ADGRB3: variants seen among roughly 807,000 people sequenced by gnomAD.
The protein encoded by ADGRB3 is adhesion G protein-coupled receptor B3.
A neutral mutation model predicts 193.4 loss-of-function variants in ADGRB3; 37 were observed. The observed-to-expected ratio is 0.19, with a 90% CI of 0.15 to 0.25. ADGRB3 has a LOEUF of 0.25. Among genes scored for constraint, ADGRB3 ranks in the 10% least tolerant of loss-of-function variants. The pLI is 1.00. For synonymous variants in ADGRB3, 690 were observed against 644.2 expected (o/e 1.07, Z -1.08); for missense variants, 1,637 against 1,852.9 (o/e 0.88, Z 2.14).
At chr6:69,137,861 T>C (rs1232715257) in intron 17 of ADGRB3, among the ~76,000 whole-genome samples, 1 of 152,178 alleles carries the variant, frequency 6.6e-6, no homozygotes, top group African/African-American at 2.4e-5. Flanking sequence ...TAGATACCTT[T>C]CTCTGCCTCA....
intron 3 of ADGRB3, among the ~76,000 whole-genome samples, chr6:68,670,829 ATC>A (rs1435466317): frequency 6.6e-6 from 1 of 152,028 alleles, no homozygotes; most frequent in East Asian, 1.9e-4. Context: ...ATTTCATTGA[ATC>A]TGTGGATTGC....
intron 26 of ADGRB3, among the ~76,000 whole-genome samples, chr6:69,339,869 T>G (rs1178648923): frequency 6.6e-6 from 1 of 152,188 alleles, no homozygotes; most frequent in Non-Finnish European, 1.5e-5. Context: ...TTCATGAGCA[T>G]AATGCAGTGA....
chr6:69,377,927 A>G (rs921713160), intron 30 of ADGRB3, among the ~76,000 whole-genome samples: 1 of 152,098 alleles, frequency 6.6e-6, no homozygotes, highest in African/African-American at 2.4e-5. Flanking sequence ...TGGTTGGGAC[A>G]AGTAAATGAG....
intron 3 of ADGRB3, among the ~76,000 whole-genome samples, chr6:68,783,297 T>TATATATATATAACATACATATATATA (rs1766895523): frequency 1.4e-5 from 2 of 146,720 alleles, no homozygotes; most frequent in African/African-American, 4.9e-5. Flanking sequence ...CCTAAATATA[T>TATATATATATAACATACATATATATA]ATATATATAT....
In ADGRB3 at chr6:68,794,236, T is replaced by C. The variant is rs541667880; in HGVS notation, c.758-136323T>C. Among the ~76,000 whole-genome samples, 20 of 152,140 alleles carry C rather than the reference T, an allele frequency of 1.3e-4. No homozygotes were observed. In the South Asian group the frequency reaches 4.2e-3, roughly 32 times the overall value. On this transcript the variant is annotated intron_variant, in intron 3 of 31. Transcript: ENST00000370598. The stretch of plus-strand genomic sequence containing the variant: ...TGATACAAAGCTATAGCCAGAGCAA[T>C]CATGTAAATCCAAATATAATCCTTT...
At chr6:69,268,408 T>A (rs780143304) in intron 20 of ADGRB3, among the ~76,000 whole-genome samples, 20 of 152,158 alleles carry the variant, frequency 1.3e-4, no homozygotes, top group Non-Finnish European at 2.4e-4. Flanking sequence ...ATGTATTACA[T>A]TAAACAGTTT....
intron 3 of ADGRB3, among the ~76,000 whole-genome samples, chr6:68,686,755 G>T (rs1185185968): frequency 1.3e-5 from 2 of 152,062 alleles, no homozygotes; most frequent in African/African-American, 4.8e-5. Context: ...AATGTGGTTG[G>T]TTTCATTTTG....
intron 13 of ADGRB3, among the ~76,000 whole-genome samples, chr6:69,040,707 A>AAAAAAAAAAAAAAAG (rs1771038176): frequency 1.7e-5 from 1 of 60,394 alleles, no homozygotes; most frequent in Non-Finnish European, 3.7e-5. Context: ...AAAAAAAAAA[A>AAAAAAAAAAAAAAAG]AACAAACAAG....
intron 8 of ADGRB3, among the ~76,000 whole-genome samples, chr6:68,957,621 C>G (rs1389442034): frequency 6.6e-6 from 1 of 152,280 alleles, no homozygotes; most frequent in South Asian, 2.1e-4. Flanking sequence ...GCTGACTGAT[C>G]TCTCTGGCTG....
chr6:69,258,338 A>G lies in ADGRB3; in HGVS notation c.2814+19112A>G, dbSNP rs139642541. 3.2e-3 allele frequency among the ~76,000 whole-genome samples: 494 copies of G among 152,362 alleles called. 1 individual carries two copies. Among genetic ancestry groups the G allele is most frequent in the African/African-American group, 0.011 (467 of 41,582 alleles). ...TGTTTTTGGAACTTGGAAAGGACAC[A>G]AATAATGTGTAATGTTGGTGTCATT... On this transcript the variant is annotated intron_variant, in intron 20 of 31. Coordinates refer to ENST00000370598, the MANE Select transcript of ADGRB3 (RefSeq NM_001704.3).
At chr6:69,028,669 G>A (rs549955868) in intron 13 of ADGRB3, among the ~76,000 whole-genome samples, 110 of 152,152 alleles carry the variant, frequency 7.2e-4, no homozygotes, top group Admixed American at 3.2e-3. Flanking sequence ...ATTAAATAAT[G>A]CTTCTTGTCC....
intron 29 of ADGRB3, among the ~76,000 whole-genome samples, chr6:69,369,488 A>G (rs779189368): frequency 2.6e-5 from 4 of 152,082 alleles, no homozygotes; most frequent in Non-Finnish European, 5.9e-5. Context: ...GCTTGAGCCC[A>G]GGAGTTCAAG....
chr6:69,245,682 G>T (rs1465764816), intron 20 of ADGRB3, among the ~76,000 whole-genome samples: 2 of 151,754 alleles, frequency 1.3e-5, no homozygotes, highest in East Asian at 3.9e-4. Flanking sequence ...GTCTTTATTT[G>T]TCTCAAGCTC....
chr6:68,661,520 CAT>C (rs374624366), intron 3 of ADGRB3, among the ~76,000 whole-genome samples: 1,503 of 82,726 alleles, frequency 0.018, 124 homozygotes, highest in African/African-American at 0.05. Flanking sequence ...TGTGTGTATA[CAT>C]ATATATATGT....
intron 17 of ADGRB3, among the ~76,000 whole-genome samples, chr6:69,112,029 G>A (rs1773380232): frequency 6.6e-6 from 1 of 152,212 alleles, no homozygotes; most frequent in Non-Finnish European, 1.5e-5. Flanking sequence ...TAGGCTCTGT[G>A]ATATTTAGGG....
At chr6:68,801,409 T>C (rs902937522) in intron 3 of ADGRB3, among the ~76,000 whole-genome samples, 1 of 152,132 alleles carries the variant, frequency 6.6e-6, no homozygotes, top group African/African-American at 2.4e-5. Flanking sequence ...ATATCCAGGC[T>C]GGGCGCAGTG....
chr6:68,817,303 C>T (rs1767648915), intron 3 of ADGRB3, among the ~76,000 whole-genome samples: 1 of 32,726 alleles, frequency 3.1e-5, no homozygotes, highest in Non-Finnish European at 7.4e-5. Context: ...TCCCTTTTGT[C>T]CATGTATATA....
At chr6:68,712,684 T>A (rs966879349) in intron 3 of ADGRB3, among the ~76,000 whole-genome samples, 1 of 151,906 alleles carries the variant, frequency 6.6e-6, no homozygotes, top group Non-Finnish European at 1.5e-5. Context: ...TAAATTATGA[T>A]CATGGATGTT....
chr6:69,086,926 A>G (rs1772566960), intron 17 of ADGRB3, among the ~76,000 whole-genome samples: 1 of 152,086 alleles, frequency 6.6e-6, no homozygotes, highest in African/African-American at 2.4e-5. Context: ...CTGTGTGTGG[A>G]TATCTGTGTG....
Sources: allele counts gnomAD v4.1 joint callset (sites outside exome capture counted in the v4.1 genomes callset), GRCh38; gene constraint gnomAD v4.1.1; transcripts MANE v1.5; gene names NCBI Gene and HGNC (gene_info 2026-07-23, HGNC 2026-07-21).